The following UBE2Q2 variants were observed in gnomAD, a reference collection of about 807,000 sequenced individuals.
The protein encoded by UBE2Q2 is ubiquitin conjugating enzyme E2 Q2, also known as ubiquitin-conjugating enzyme E2 Q2.
Under a neutral mutation model 59.9 loss-of-function variants are expected in UBE2Q2, and 54 were observed. That is an observed-to-expected ratio of 0.90 (90% CI 0.72 to 1.13). The LOEUF is 1.13. UBE2Q2 is among the 50% of genes most tolerant of loss of function. The probability of loss-of-function intolerance (pLI) is 0.00; values close to 1 mark genes in which losing one functional copy is unlikely to be tolerated. For synonymous variants in UBE2Q2, 165 were observed against 155.2 expected (o/e 1.06, Z -0.47); for missense variants, 433 against 441.9 (o/e 0.98, Z 0.18).
At position 75,843,825 on chromosome 15, in the gene UBE2Q2, C is replaced by G; in HGVS notation, c.159C>G (p.Leu53=). ...GCCCGCACTCGCTGCCGCCGCCACT[C>G]ACGCTCCACTGCAACATCACGGTGA... ...QGSPHSLPPP[L]TLHCNITESY... is the part of the protein sequence containing the mutation. The change falls in exon 1 of 13, where the codon CTC becomes CTG. Residue 53 remains leucine, a synonymous_variant. Transcript: ENST00000267938. 1 of 1,597,658 alleles carries G rather than the reference C, an allele frequency of 6.3e-7. No homozygotes were observed. Among genetic ancestry groups the G allele is most frequent in the East Asian group, 2.3e-5 (1 of 43,646 alleles).
chr15:75,846,918 T>C (rs918461828), intron 1 of UBE2Q2, among the ~76,000 whole-genome samples: 9 of 152,182 alleles, frequency 5.9e-5, no homozygotes, highest in African/African-American at 1.9e-4. Flanking sequence ...GCTGTATTTC[T>C]CCCTGTAGAA....
At chr15:75,879,372 G>T (rs1364277081) in intron 8 of UBE2Q2, among the ~76,000 whole-genome samples, 184 bp downstream of exon 8, 1 of 152,150 alleles carries the variant, frequency 6.6e-6, no homozygotes, top group African/African-American at 2.4e-5. Context: ...AATGTTCAGA[G>T]CAGCATCGTT....
intron 6 of UBE2Q2, among the ~76,000 whole-genome samples, chr15:75,876,581 T>G (rs1898093843): frequency 6.6e-6 from 1 of 152,188 alleles, no homozygotes. Flanking sequence ...GCTTGGAAAG[T>G]AAATAAGAGT....
At chr15:75,880,484 A>AT (rs112205665) in intron 8 of UBE2Q2, among the ~76,000 whole-genome samples, 1,746 of 127,772 alleles carry the variant, frequency 0.014, 31 homozygotes, top group African/African-American at 0.041. Flanking sequence ...AATGTTAATG[A>AT]TTTTTTTTTT....
intron 3 of UBE2Q2, among the ~76,000 whole-genome samples, chr15:75,867,090 G>C (rs1897531891): frequency 6.6e-6 from 1 of 152,140 alleles, no homozygotes; most frequent in Non-Finnish European, 1.5e-5. Flanking sequence ...TCCCCCTCCT[G>C]GTTTGCAGAC....
At chr15:75,858,277 CACTT>C (rs1429072666) in intron 2 of UBE2Q2, among the ~76,000 whole-genome samples, 10 of 152,302 alleles carry the variant, frequency 6.6e-5, no homozygotes, top group South Asian at 4.1e-4. Context: ...TAGGGAATCT[CACTT>C]ACAGTGCCAT....
At chr15:75,895,604 T>G (rs1047327236) in intron 11 of UBE2Q2, among the ~76,000 whole-genome samples, 29 of 152,132 alleles carry the variant, frequency 1.9e-4, no homozygotes, top group African/African-American at 7.0e-4. Flanking sequence ...ATAAAAAGTC[T>G]GTTTACAGAA....
intron 3 of UBE2Q2, among the ~76,000 whole-genome samples, chr15:75,868,140 C>A (rs912127536): frequency 6.6e-6 from 1 of 152,136 alleles, no homozygotes; most frequent in South Asian, 2.1e-4. Flanking sequence ...TAGATACTGC[C>A]GAGACCTTTG....
At chr15:75,843,910 CG>C in intron 1 of UBE2Q2, 64 bp downstream of exon 1, 1 of 1,477,772 alleles carries the variant, frequency 6.8e-7, no homozygotes, top group South Asian at 1.3e-5. Context: ...CTTCGAGTCC[CG>C]GGACAAAGGG....
chr15:75,844,031 G>A (rs1896174432), intron 1 of UBE2Q2, 185 bp downstream of exon 1: 4 of 1,408,484 alleles, frequency 2.8e-6, no homozygotes, highest in Non-Finnish European at 3.7e-6. Flanking sequence ...TTGGGTGGGA[G>A]GAGGCGGAGG....
rs1257512107 is a variant in UBE2Q2, at chr15:75,844,150, G to C, written c.180+304G>C. 14 of 1,427,608 alleles carry C rather than the reference G, an allele frequency of 9.8e-6. No homozygotes were observed. The East Asian group carries it at 1.5e-4, about 16-fold the overall frequency. The allele number at this position is 1,427,608 out of a possible 1,614,324, so 88.4% of individuals were successfully genotyped here. The stretch of plus-strand genomic sequence containing the variant: ...AGTCCGCGGCGGCCCAAGCCCTTGT[G>C]GGGTCCATGGCCGCCCTCAGCCGGC... On this transcript the variant is annotated intron_variant, in intron 1 of 12. Coordinates refer to ENST00000267938, the MANE Select transcript of UBE2Q2 (RefSeq NM_173469.4).
At chr15:75,871,317 G>T (rs935982903) in intron 4 of UBE2Q2, among the ~76,000 whole-genome samples, 4 of 152,146 alleles carry the variant, frequency 2.6e-5, no homozygotes, top group Non-Finnish European at 5.9e-5. Flanking sequence ...GCCCAGGGAC[G>T]GGCAGGAGGC....
Position 75,854,369 on chromosome 15 carries a change from G to A in UBE2Q2, c.181-17G>A, listed in dbSNP as rs1365097418. On this transcript the variant is annotated splice_polypyrimidine_tract_variant and intron_variant, in intron 1 of 12. Transcript: ENST00000267938. ...GTCTGTATGTAAATGTTTAACATGT[G>A]TCTCTGTGTTAAACAGGAATCCTAT... 6.3e-7 allele frequency: 1 copy of A among 1,590,462 alleles called. No homozygotes were observed. Among genetic ancestry groups the A allele is most frequent in the South Asian group, 1.1e-5 (1 of 89,046 alleles).
chr15:75,890,255 A>G (rs335714), intron 9 of UBE2Q2, among the ~76,000 whole-genome samples, 180 bp from the exon 10 acceptor site: 150,878 of 152,358 alleles, frequency 0.99, 74,725 homozygotes, highest in East Asian at 1. Context: ...TTACATTAGC[A>G]TGATAACATT....
chr15:75,889,579 C>T (rs1279071322), intron 9 of UBE2Q2, among the ~76,000 whole-genome samples: 1 of 152,116 alleles, frequency 6.6e-6, no homozygotes, highest in African/African-American at 2.4e-5. Context: ...CAGTAGGAAT[C>T]TCAAGCAAGG....
chr15:75,877,310 A>C (rs897744829), intron 6 of UBE2Q2, among the ~76,000 whole-genome samples: 1 of 152,162 alleles, frequency 6.6e-6, no homozygotes, highest in African/African-American at 2.4e-5. Context: ...TGTAGTGTGC[A>C]GGATAAGCCA....
intron 2 of UBE2Q2, among the ~76,000 whole-genome samples, chr15:75,857,887 C>T (rs551481060): frequency 2.1e-4 from 32 of 151,950 alleles, no homozygotes; most frequent in African/African-American, 7.2e-4. Context: ...TAAAAAAAAT[C>T]TATATGCTTG....
chr15:75,870,128 T>C (rs1897708050), intron 4 of UBE2Q2, among the ~76,000 whole-genome samples: 1 of 152,148 alleles, frequency 6.6e-6, no homozygotes, highest in Admixed American at 6.5e-5. Flanking sequence ...AGTGCAGTAG[T>C]GTGATCACGG....
intron 3 of UBE2Q2, among the ~76,000 whole-genome samples, chr15:75,862,096 A>G (rs2141581619): frequency 6.6e-6 from 1 of 152,244 alleles, no homozygotes; most frequent in East Asian, 1.9e-4. Context: ...AGGTGTTCTT[A>G]AGGCTTAGAT....
Sources: allele counts gnomAD v4.1 joint callset (sites outside exome capture counted in the v4.1 genomes callset), GRCh38; gene constraint gnomAD v4.1.1; transcripts MANE v1.5; gene names NCBI Gene and HGNC (gene_info 2026-07-23, HGNC 2026-07-21).